The following C2orf49 variants were observed in gnomAD, a reference collection of about 807,000 sequenced individuals.
C2orf49 encodes tRNA-splicing ligase complex subunit ASW.
A neutral mutation model predicts 20.6 loss-of-function variants in C2orf49; 11 were observed. The ratio of observed to expected loss-of-function variants is 0.53; its 90% CI spans 0.34 to 0.88. The LOEUF (loss-of-function observed/expected upper bound fraction) is 0.88, where lower values mean the gene tolerates loss of function less well. Among genes scored for constraint, C2orf49 ranks in the 40% least tolerant of loss-of-function variants. The pLI is 0.02. For missense variants in C2orf49, 289 were observed against 274.2 expected (o/e 1.05, Z -0.38); for synonymous variants, 134 against 108.5 (o/e 1.24, Z -1.46).
the C2orf49 span, among the ~76,000 whole-genome samples, chr2:105,366,379 G>A: frequency 2.0e-5 from 3 of 152,182 alleles, no homozygotes; most frequent in African/African-American, 7.2e-5. Flanking sequence ...AAGGGTAGAG[G>A]CCCCAAGGGC....
the C2orf49 span, among the ~76,000 whole-genome samples, chr2:105,381,356 C>T: frequency 4.1e-3 from 617 of 152,282 alleles, 3 homozygotes; most frequent in Middle Eastern, 0.014. Flanking sequence ...GACGTTAACT[C>T]ACTCAATTAC....
the C2orf49 span, chr2:105,367,844 G>C: frequency 4.3e-6 from 5 of 1,165,932 alleles, no homozygotes; most frequent in Non-Finnish European, 4.8e-6. Context: ...TATGACCAGA[G>C]CAAGCCACTT....
the C2orf49 span, among the ~76,000 whole-genome samples, chr2:105,380,513 G>A: frequency 6.6e-6 from 1 of 152,156 alleles, no homozygotes; most frequent in African/African-American, 2.4e-5. Context: ...ACAGGCATGA[G>A]CCACCACGCC....
chr2:105,358,741 C>G, the C2orf49 span: 1 of 152,202 alleles, frequency 6.6e-6, no homozygotes, highest in Non-Finnish European at 1.5e-5. Context: ...CAGCTAAGCC[C>G]TGCAAACCAC....
Position 105,337,604 on chromosome 2 carries a change from G to C in C2orf49, c.17G>C (p.Gly6Ala). 6.2e-7 allele frequency: 1 copy of C among 1,613,156 alleles called. No homozygotes were observed. Among genetic ancestry groups the C allele is most frequent in the Non-Finnish European group, 8.5e-7 (1 of 1,179,936 alleles). The stretch of plus-strand genomic sequence containing the variant: ...GCGACGACCATGGCGGGGGATGTGG[G>C]CGGTCGCAGCTGCACGGACTCGGAA... MAGDVGGRSCTDSELL... is the reference protein window; with the variant it reads MAGDVAGRSCTDSELL... Residue 6 changes from glycine (G) to alanine (A), a missense_variant, in exon 1 of 4, where the codon GGC (glycine) becomes GCC (alanine). Physicochemically the swap from Gly to Ala is moderately conservative, Grantham distance 60. Coordinates refer to ENST00000258457, the MANE Select transcript of C2orf49 (RefSeq NM_024093.3).
At chr2:105,368,088 C>A in the C2orf49 span, among the ~76,000 whole-genome samples, 2 of 152,338 alleles carry the variant, frequency 1.3e-5, no homozygotes, top group South Asian at 4.1e-4. Flanking sequence ...CCGATGAATT[C>A]CCATGGAGCA....
At chr2:105,363,358 G>A in the C2orf49 span, 2 of 1,614,088 alleles carry the variant, frequency 1.2e-6, no homozygotes, top group African/African-American at 2.7e-5. Flanking sequence ...AGTAGGCAAA[G>A]TCATCGCGAG....
At chr2:105,364,344 G>A in the C2orf49 span, among the ~76,000 whole-genome samples, 2 of 152,302 alleles carry the variant, frequency 1.3e-5, no homozygotes, top group African/African-American at 2.4e-5. Context: ...AGCCACTTAC[G>A]GTGAAAGAAG....
the C2orf49 span, chr2:105,361,481 G>A: frequency 6.4e-7 from 1 of 1,557,986 alleles, no homozygotes; most frequent in African/African-American, 1.4e-5. Context: ...GTTAGAATCA[G>A]GCAACTGGGA....
the C2orf49 span, among the ~76,000 whole-genome samples, chr2:105,373,033 C>T: frequency 3.3e-5 from 5 of 152,184 alleles, no homozygotes; most frequent in African/African-American, 9.7e-5. Flanking sequence ...TTGCCATCCT[C>T]GGCACCTGGC....
the C2orf49 span, among the ~76,000 whole-genome samples, chr2:105,381,366 C>T: frequency 6.6e-6 from 1 of 152,072 alleles, no homozygotes; most frequent in Non-Finnish European, 1.5e-5. Context: ...CACTCAATTA[C>T]CCCGACAGTC....
Position 105,348,339 on chromosome 2 carries a change from G to C in C2orf49, c.*2968G>C, listed in dbSNP as rs188369135. Reference sequence around the variant, plus strand: ...CCAGGCACTTTGGAAAGTTGGTTCAGTTACTACTATGAGGCCATAATATAT... The same window carrying C: ...CCAGGCACTTTGGAAAGTTGGTTCACTTACTACTATGAGGCCATAATATAT... On this transcript the variant is annotated 3_prime_UTR_variant, in exon 4 of 4. Coordinates refer to ENST00000258457, the MANE Select transcript of C2orf49 (RefSeq NM_024093.3). The C allele has an allele frequency of 1.3e-5, 2 of 152,192 alleles. No homozygotes were observed. Among genetic ancestry groups the C allele is most frequent in the Admixed American group, 1.3e-4 (2 of 15,282 alleles). The allele number at this position is 152,192 out of a possible 1,614,324, so 9.4% of individuals were successfully genotyped here.
chr2:105,342,195 C>T (rs967305436), intron 2 of C2orf49, among the ~76,000 whole-genome samples: 23 of 152,274 alleles, frequency 1.5e-4, no homozygotes, highest in African/African-American at 5.3e-4. Flanking sequence ...TTTTTCAATT[C>T]ATCTGTGAGA....
chr2:105,368,320 A>C, the C2orf49 span, among the ~76,000 whole-genome samples: 11 of 152,310 alleles, frequency 7.2e-5, no homozygotes, highest in East Asian at 2.1e-3. Flanking sequence ...TGCTATAATT[A>C]AAACCTACAT....
At position 105,345,306 on chromosome 2, in the gene C2orf49, G is replaced by GTTAT; in HGVS notation, c.643-8_643-7insTATT. On this transcript the variant is annotated splice_polypyrimidine_tract_variant and intron_variant, in intron 3 of 3. Coordinates refer to ENST00000258457, the MANE Select transcript of C2orf49 (RefSeq NM_024093.3). ...CAAGTATAAACTGATTTCTGTTCAT[G>GTTAT]TCTTTCAGAATAACCTGAAGCCCCC... is the stretch of plus-strand genomic sequence containing the variant. 6.2e-7 allele frequency: 1 copy of GTTAT among 1,608,750 alleles called. No individual in the cohort carries two copies. The highest frequency in any genetic ancestry group is 1.1e-5 in the South Asian group (1 of 89,596).
the C2orf49 span, among the ~76,000 whole-genome samples, chr2:105,370,218 A>ACC: frequency 6.7e-6 from 1 of 150,142 alleles, no homozygotes; most frequent in African/African-American, 2.5e-5. Context: ...ACCCCCCCAA[A>ACC]AAAAAAATTA....
the C2orf49 span, among the ~76,000 whole-genome samples, chr2:105,379,021 C>T: frequency 1.3e-5 from 2 of 152,128 alleles, no homozygotes; most frequent in African/African-American, 4.8e-5. Context: ...GGGTCAAGCG[C>T]CCGCCCCTCT....
At position 105,348,270 on chromosome 2, in the gene C2orf49, G is replaced by C. The variant is rs1229178549; in HGVS notation, c.*2899G>C. On this transcript the variant is annotated 3_prime_UTR_variant, in exon 4 of 4. Coordinates refer to ENST00000258457, the MANE Select transcript of C2orf49 (RefSeq NM_024093.3). Reference sequence around the variant, plus strand: ...TGAATGGCTTCTCAATGGCTGTAGAGACAGTACAGTTTTCCAAAGCAGCCT... The same window carrying C: ...TGAATGGCTTCTCAATGGCTGTAGACACAGTACAGTTTTCCAAAGCAGCCT... 2.0e-5 allele frequency: 3 copies of C among 152,278 alleles called. No individual in the cohort carries two copies. The highest frequency in any genetic ancestry group is 2.1e-4 in the South Asian group (1 of 4,830). The allele number at this position is 152,278 out of a possible 1,614,324, so 9.4% of individuals were successfully genotyped here.
In C2orf49 at chr2:105,337,681, GAGCAGGTT is replaced by G; in HGVS notation, c.95_99+3del. 2 of 1,562,630 alleles carry G rather than the reference GAGCAGGTT, an allele frequency of 1.3e-6. No individual in the cohort carries two copies. Among genetic ancestry groups the G allele is most frequent in the Non-Finnish European group, 1.7e-6 (2 of 1,146,006 alleles). ...CCAGGAGTTCCTTCTCCTCACTCTG[GAGCAGGTT>G]GGGCGCGCCGGATCGGAGGGTGGGC... On this transcript the variant is annotated splice_donor_variant and splice_donor_region_variant and coding_sequence_variant and intron_variant, in exon 1 of 4. Transcript: ENST00000258457. LOFTEE classifies it high-confidence loss of function.
Sources: allele counts gnomAD v4.1 joint callset (sites outside exome capture counted in the v4.1 genomes callset), GRCh38; gene constraint gnomAD v4.1.1; transcripts MANE v1.5; gene names NCBI Gene and HGNC (gene_info 2026-07-23, HGNC 2026-07-21).